Variants in MGST1 observed in about 807,000 individuals in gnomAD.
MGST1 encodes the protein microsomal glutathione S-transferase 1, also known as glutathione S-transferase 12.
In MGST1, 5 loss-of-function variants were observed where a neutral mutation model predicts 8.9. That is an observed-to-expected ratio of 0.56 (90% CI 0.29 to 1.19). The LOEUF is 1.19. Ranked by LOEUF, MGST1 falls within the 50% of genes most tolerant of loss-of-function variation. The pLI, the probability that MGST1 is intolerant of heterozygous loss-of-function variation, is 0.08. For missense variants in MGST1, 182 were observed against 187.4 expected (o/e 0.97, Z 0.17); for synonymous variants, 54 against 67.8 (o/e 0.80, Z 1.00).
chr12:16,438,177 C>T (rs1186379818), exon 2 of MGST1: 2 of 152,060 alleles, frequency 1.3e-5, no homozygotes, highest in East Asian at 1.9e-4. Context: ...TGCCATTTCT[C>T]TTATGGAATT....
At chr12:16,453,833 C>CA (rs1181190819) in intron 4 of MGST1, among the ~76,000 whole-genome samples, 20 of 151,874 alleles carry the variant, frequency 1.3e-4, no homozygotes, top group African/African-American at 4.1e-4. Flanking sequence ...CTTATAAGGA[C>CA]ATCAGTCATA....
intron 4 of MGST1, among the ~76,000 whole-genome samples, chr12:16,538,498 C>T (rs1468973835): frequency 6.6e-6 from 1 of 152,118 alleles, no homozygotes; most frequent in African/African-American, 2.4e-5. Context: ...CATTTTCACA[C>T]TGCTGATAAA....
At chr12:16,481,142 CA>C (rs897157379) in intron 4 of MGST1, among the ~76,000 whole-genome samples, 27 of 151,930 alleles carry the variant, frequency 1.8e-4, no homozygotes, top group African/African-American at 5.1e-4. Flanking sequence ...AACAAACAAA[CA>C]AAAAAAGCCC....
intron 1 of MGST1, among the ~76,000 whole-genome samples, chr12:16,392,379 CGTTTT>C (rs1716176991): frequency 6.6e-6 from 1 of 152,136 alleles, no homozygotes; most frequent in East Asian, 1.9e-4. Context: ...CAGAAAGTTT[CGTTTT>C]ATTACTTTCT....
intron 3 of MGST1, among the ~76,000 whole-genome samples, chr12:16,372,556 G>A (rs1362783165): frequency 6.6e-6 from 1 of 152,038 alleles, no homozygotes; most frequent in Non-Finnish European, 1.5e-5. Flanking sequence ...GGCAAGAGGG[G>A]AGCCCTCTTA....
At chr12:16,521,251 A>G (rs888572905) in intron 4 of MGST1, among the ~76,000 whole-genome samples, 14 of 152,160 alleles carry the variant, frequency 9.2e-5, no homozygotes, top group African/African-American at 3.4e-4. Flanking sequence ...TCTTGTCAGA[A>G]TAGCCAGACC....
intron 4 of MGST1, among the ~76,000 whole-genome samples, chr12:16,515,908 G>C (rs1431422782): frequency 6.6e-6 from 1 of 152,116 alleles, no homozygotes; most frequent in Non-Finnish European, 1.5e-5. Flanking sequence ...GGCTATGTGT[G>C]CTGCCAGCTG....
At chr12:16,427,399 C>G (rs1940899864) in intron 1 of MGST1, among the ~76,000 whole-genome samples, 1 of 152,010 alleles carries the variant, frequency 6.6e-6, no homozygotes, top group Non-Finnish European at 1.5e-5. Context: ...ATTTTTTTGT[C>G]TGAGACAGAG....
rs1940653855 is a variant in MGST1, at chr12:16,401,311, A to G, written n.778+17707A>G. 9 of 1,461,876 alleles carry G rather than the reference A, an allele frequency of 6.2e-6. No individual in the cohort carries two copies. Among genetic ancestry groups the G allele is most frequent in the South Asian group, 3.4e-5 (3 of 87,930 alleles). 90.6% of individuals were successfully genotyped at this position (1,461,876 alleles called of 1,614,324 possible). A position where few individuals can be genotyped will look rare whatever the true frequency, so the allele number is the denominator to read the frequency against. ...GATGCTGAAAACCATTCCTGTCTTC[A>G]GTTTGTATTGATTTTTACTATTGAT... On this transcript the variant is annotated intron_variant and non_coding_transcript_variant, in intron 1 of 1. Coordinates refer to the MGST1 transcript ENST00000359720. This position sits in a 1 kb window ranked among gnomAD's most constrained non-coding sequence, Gnocchi z 4.3.
chr12:16,511,554 A>C (rs1395897481), intron 4 of MGST1, among the ~76,000 whole-genome samples: 2 of 152,216 alleles, frequency 1.3e-5, no homozygotes, highest in African/African-American at 4.8e-5. Context: ...AAAACACCAA[A>C]GAGAAAAATG....
At chr12:16,440,103 G>A (rs1287167720), downstream of MGST1, among the ~76,000 whole-genome samples, 1 of 151,744 alleles carries the variant, frequency 6.6e-6, no homozygotes, top group Non-Finnish European at 1.5e-5. Flanking sequence ...ACAGACTGGG[G>A]GTTAGGATAT....
chr12:16,463,885 A>G (rs561615800), intron 4 of MGST1, among the ~76,000 whole-genome samples: 1 of 152,332 alleles, frequency 6.6e-6, no homozygotes, highest in African/African-American at 2.4e-5. Context: ...TTAACGTTAA[A>G]TGCTTTTTCG....
At chr12:16,474,990 T>C (rs1294168422) in intron 4 of MGST1, among the ~76,000 whole-genome samples, 1 of 152,180 alleles carries the variant, frequency 6.6e-6, no homozygotes, top group Non-Finnish European at 1.5e-5. Context: ...AGTAGGCTAA[T>C]GCACCATGTG....
At chr12:16,357,580 G>GT (rs539215068) in intron 2 of MGST1, 25 bp from the exon 3 acceptor site, 74 of 1,584,112 alleles carry the variant, frequency 4.7e-5, no homozygotes, top group East Asian at 6.7e-5. Context: ...TTTGAAATAA[G>GT]TTTTTTTTCT....
intron 4 of MGST1, among the ~76,000 whole-genome samples, chr12:16,493,443 A>G (rs960752584): frequency 1.3e-5 from 2 of 152,186 alleles, no homozygotes; most frequent in African/African-American, 4.8e-5. Flanking sequence ...ACCTCTGGGA[A>G]TAGGGAAGAA....
At chr12:16,562,421 T>G (rs893317484) in intron 4 of MGST1, among the ~76,000 whole-genome samples, 1 of 152,200 alleles carries the variant, frequency 6.6e-6, no homozygotes, top group South Asian at 2.1e-4. Context: ...TTCAGTTTGT[T>G]CATATCTAAT....
Position 16,401,205 on chromosome 12 carries a change from T to C in MGST1, n.778+17601T>C. On this transcript the variant is annotated intron_variant and non_coding_transcript_variant, in intron 1 of 1. Coordinates refer to the MGST1 transcript ENST00000359720. This position sits in a 1 kb window ranked among gnomAD's most constrained non-coding sequence, Gnocchi z 4.3. ...CTGGGCCATCCTCATCCATAAGCAC[T>C]GTGTCACTAAGGAACAGGGCATAGG... 1 of 1,561,284 alleles carries C rather than the reference T, an allele frequency of 6.4e-7. No individual in the cohort carries two copies. The highest frequency in any genetic ancestry group is 8.8e-7 in the Non-Finnish European group (1 of 1,134,112).
In MGST1 at chr12:16,500,378, C is replaced by T. The variant is rs1220700185; in HGVS notation, n.483-89150C>T. On this transcript the variant is annotated intron_variant and non_coding_transcript_variant, in intron 4 of 4. Transcript: ENST00000538857. The surrounding 1 kb of genome is among the most constrained non-coding windows in gnomAD (Gnocchi z 4.3). ...GGTTCTTATTATAACAACAGCTATT[C>T]CCAACCTTCTAGCTTGATCCATTCA... Among the ~76,000 whole-genome samples, 1 of 152,202 alleles carries T rather than the reference C, an allele frequency of 6.6e-6. No individual in the cohort carries two copies.
chr12:16,454,961 A>T (rs1941161647), intron 4 of MGST1, among the ~76,000 whole-genome samples: 1 of 151,378 alleles, frequency 6.6e-6, no homozygotes, highest in African/African-American at 2.4e-5. Flanking sequence ...ATCTCACATT[A>T]AGAAGAAAGT....
Sources: gnomAD v4.1 joint callset for allele counts (sites outside exome capture counted in the v4.1 genomes callset) on GRCh38, gnomAD v4.1.1 for gene constraint, Gnocchi (gnomAD v3.1) non-coding constraint, MANE v1.5 for transcripts, NCBI Gene and HGNC (gene_info 2026-07-23, HGNC 2026-07-21) for gene names.